Variants in DST observed in about 807,000 individuals in gnomAD.
DST encodes the protein bullous pemphigoid antigen.
In DST, 253 loss-of-function variants were observed where a neutral mutation model predicts 875.2. That is an observed-to-expected ratio of 0.29 (90% CI 0.26 to 0.32). DST has a LOEUF of 0.32. Among genes scored for constraint, DST ranks in the 10% least tolerant of loss-of-function variants. The probability of loss-of-function intolerance (pLI) is 1.00; values close to 1 mark genes in which losing one functional copy is unlikely to be tolerated. For synonymous variants in DST, 3,124 were observed against 3,197.1 expected (o/e 0.98, Z 0.77); for missense variants, 8,287 against 9,111.6 (o/e 0.91, Z 3.68).
rs1346773759 is a variant in DST, at chr6:56,598,019, A to G, written c.11929-13T>C. ...TCACTGCTGCTACCTGGGAAGGGAAAGTTCACAGGAGGAATTCAGAACGTG... is the reference window on the plus strand; with the variant it reads ...TCACTGCTGCTACCTGGGAAGGGAAGGTTCACAGGAGGAATTCAGAACGTG... On this transcript the variant is annotated splice_polypyrimidine_tract_variant and intron_variant, in intron 46 of 103. Transcript: ENST00000680361. The G allele has an allele frequency of 6.4e-7, 1 of 1,568,484 alleles. No individual in the cohort carries two copies. Among genetic ancestry groups the G allele is most frequent in the East Asian group, 2.2e-5 (1 of 44,470 alleles).
Position 56,529,965 on chromosome 6 carries a change from A to C in DST, c.17268+9T>G, listed in dbSNP as rs759403848. The C allele has an allele frequency of 9.3e-6, 15 of 1,612,566 alleles. No homozygotes were observed. Among genetic ancestry groups the C allele is most frequent in the Non-Finnish European group, 1.3e-5 (15 of 1,179,418 alleles). On this transcript the variant is annotated intron_variant, in intron 65 of 103. Transcript: ENST00000680361. ...ACTGAACCTCGCTAATGTGTGATTT[A>C]TATCTTACTTTGTGCTGTGCAATTT... is the stretch of plus-strand genomic sequence containing the variant.
At chr6:56,910,855 A>G (rs1056797549) in intron 2 of DST, among the ~76,000 whole-genome samples, 1 of 152,256 alleles carries the variant, frequency 6.6e-6, no homozygotes, top group African/African-American at 2.4e-5. Flanking sequence ...CTGATATTAT[A>G]TCAACTGCTT....
intron 13 of DST, among the ~76,000 whole-genome samples, chr6:56,646,524 C>T (rs2098943703): frequency 6.6e-6 from 1 of 152,036 alleles, no homozygotes; most frequent in African/African-American, 2.4e-5. Context: ...CCAAATGCTG[C>T]ACTTTAGCTT....
At chr6:56,792,398 G>A (rs1217439235) in intron 4 of DST, among the ~76,000 whole-genome samples, 1 of 152,060 alleles carries the variant, frequency 6.6e-6, no homozygotes, top group African/African-American at 2.4e-5. Flanking sequence ...TTAATTACAG[G>A]AGAGAAAAAG....
Position 56,670,627 on chromosome 6 carries a change from C to T in DST, c.1214+14G>A. 7 of 1,496,798 alleles carry T rather than the reference C, an allele frequency of 4.7e-6. No homozygotes were observed. The highest frequency in any genetic ancestry group is 6.3e-6 in the Non-Finnish European group (7 of 1,117,976). 92.7% of individuals were successfully genotyped at this position (1,496,798 alleles called of 1,614,324 possible). On this transcript the variant is annotated intron_variant, in intron 10 of 103. Transcript: ENST00000680361. Reference sequence around the variant, plus strand: ...CTTACAGTTGTATAAGGAAAAAATACACAAATTCCATACCTGTATTTATGA... The same window carrying T: ...CTTACAGTTGTATAAGGAAAAAATATACAAATTCCATACCTGTATTTATGA...
chr6:56,908,585 G>A (rs776179721), intron 2 of DST, among the ~76,000 whole-genome samples: 13 of 152,208 alleles, frequency 8.5e-5, no homozygotes, highest in East Asian at 1.9e-4. Flanking sequence ...TGTCAGAGGC[G>A]TTTGAACCAG....
chr6:56,784,016 T>C, intron 4 of DST, among the ~76,000 whole-genome samples: 1 of 152,158 alleles, frequency 6.6e-6, no homozygotes, highest in Non-Finnish European at 1.5e-5. Context: ...AATTCTGGGT[T>C]GAAAATTCTT....
rs142029104 is a variant in DST at position 56,876,503 on chromosome 6, G to A, written c.417+23918C>T. Among the ~76,000 whole-genome samples the A allele has an allele frequency of 9.2e-4, 140 of 152,208 alleles. 1 individual carries two copies. The highest frequency in any genetic ancestry group is 1.3e-3 in the Non-Finnish European group (89 of 68,002). On this transcript the variant is annotated intron_variant, in intron 3 of 103. Transcript: ENST00000680361. ...TCTAATGCTCTGTTCCTGGACTGCC[G>A]TTAAGATTTCCTGTTCTTCTTCATC...
chr6:56,813,028 C>T (rs1432705517), intron 4 of DST, among the ~76,000 whole-genome samples: 4 of 151,816 alleles, frequency 2.6e-5, no homozygotes, highest in Admixed American at 1.3e-4. Context: ...ATGTGGCACA[C>T]ATACACCATG....
chr6:56,580,615 T>C (rs924509175), intron 49 of DST, among the ~76,000 whole-genome samples: 11 of 151,570 alleles, frequency 7.3e-5, no homozygotes, highest in Admixed American at 3.3e-4. Flanking sequence ...AATTACAGAA[T>C]GTTCTAGTAG....
chr6:56,938,108 C>CTCTATATATATATA lies in DST; in HGVS notation c.216+15676_216+15677insTATATATATATAGA, dbSNP rs1383243392. ...TCTCTCTCTCTCTCTCTCTCTCTCT[C>CTCTATATATATATA]TATATATATATATATATATATATGT... On this transcript the variant is annotated intron_variant, in intron 2 of 103. Transcript: ENST00000680361. 1.0e-3 allele frequency among the ~76,000 whole-genome samples: 122 copies of CTCTATATATATATA among 120,736 alleles called. 1 individual carries two copies. Among genetic ancestry groups the CTCTATATATATATA allele is most frequent in the African/African-American group, 4.1e-3 (116 of 28,602 alleles). The allele number at this position is 120,736 out of a possible 152,430, so 79.2% of individuals were successfully genotyped here.
chr6:56,512,157 G>A (rs1326736569), intron 72 of DST, among the ~76,000 whole-genome samples: 1 of 152,158 alleles, frequency 6.6e-6, no homozygotes, highest in Non-Finnish European at 1.5e-5. Context: ...GCTATATACT[G>A]AGCATTGTTT....
At chr6:56,922,624 G>A (rs1804891261) in intron 2 of DST, among the ~76,000 whole-genome samples, 1 of 152,010 alleles carries the variant, frequency 6.6e-6, no homozygotes, top group African/African-American at 2.4e-5. Context: ...AAGCAAAATG[G>A]GGCCCCAATT....
intron 4 of DST, among the ~76,000 whole-genome samples, chr6:56,741,617 ATTATTTCAAAAGGGAG>A (rs1198488282): frequency 2.0e-5 from 3 of 152,326 alleles, no homozygotes; most frequent in East Asian, 3.9e-4. Context: ...TTCCATACAC[ATTATTTCAAAAGGGAG>A]TTATTTCAAA....
intron 2 of DST, among the ~76,000 whole-genome samples, chr6:56,916,210 C>T (rs1800842416): frequency 6.6e-6 from 1 of 152,162 alleles, no homozygotes; most frequent in East Asian, 1.9e-4. Flanking sequence ...AGAGAAGAGC[C>T]ATAGGACACT....
chr6:56,678,910 G>C (rs1010027481), intron 9 of DST, among the ~76,000 whole-genome samples: 9 of 151,794 alleles, frequency 5.9e-5, no homozygotes, highest in Non-Finnish European at 1.3e-4. Context: ...CTTTTCTCTT[G>C]TCATTTCTCT....
At chr6:56,620,580 T>A in intron 36 of DST, 1 of 1,614,104 alleles carries the variant, frequency 6.2e-7, no homozygotes. Context: ...GACTTTTGTT[T>A]CTTTAGTTCA....
intron 92 of DST, among the ~76,000 whole-genome samples, chr6:56,475,069 G>C (rs1435563384): frequency 6.6e-6 from 1 of 151,286 alleles, no homozygotes. Context: ...GCTATTCCAA[G>C]GGTGGTAAAA....
intron 36 of DST, chr6:56,616,444 T>C (rs772652012): frequency 1.2e-6 from 2 of 1,614,132 alleles, no homozygotes; most frequent in Non-Finnish European, 1.7e-6. Flanking sequence ...TAGTATCTAC[T>C]ACAGAAATTC....
Sources: allele counts gnomAD v4.1 joint callset (sites outside exome capture counted in the v4.1 genomes callset), GRCh38; gene constraint gnomAD v4.1.1; transcripts MANE v1.5; gene names NCBI Gene and HGNC (gene_info 2026-07-23, HGNC 2026-07-21).